CTDSP1: variants seen among roughly 807,000 people sequenced by gnomAD.
CTDSP1 encodes CTD small phosphatase 1.
In CTDSP1, 15 loss-of-function variants were observed where a neutral mutation model predicts 32.5. The ratio of observed to expected loss-of-function variants is 0.46; its 90% CI spans 0.31 to 0.71. The LOEUF is 0.71. Among genes scored for constraint, CTDSP1 ranks in the 30% least tolerant of loss-of-function variants. The probability of loss-of-function intolerance (pLI) is 0.05; values close to 1 mark genes in which losing one functional copy is unlikely to be tolerated. For synonymous variants in CTDSP1, 185 were observed against 145.4 expected, an observed-to-expected ratio of 1.27 and a Z score of -1.96; for missense variants, 294 against 351.1, an observed-to-expected ratio of 0.84 and a Z score of 1.30.
chr2:218,401,547 G>C lies in CTDSP1; in HGVS notation c.68-17G>C. On this transcript the variant is annotated splice_polypyrimidine_tract_variant and intron_variant, in intron 1 of 6. Coordinates refer to ENST00000273062, the MANE Select transcript of CTDSP1 (RefSeq NM_021198.3). ...CCAGTGTGCACCGAGCCTCCAACTT[G>C]TGCCTCCCTACTTCAGGTGACCAGA... 1.9e-6 allele frequency: 3 copies of C among 1,613,366 alleles called. No individual in the cohort carries two copies. The highest frequency in any genetic ancestry group is 1.7e-6 in the Non-Finnish European group (2 of 1,179,640).
At chr2:218,398,311 A>T, upstream of CTDSP1, 1 of 1,086,216 alleles carries the variant, frequency 9.2e-7, no homozygotes, top group South Asian at 1.3e-5. Flanking sequence ...GAAATGGGTT[A>T]AGAAGGAGGC....
chr2:218,400,009 C>T lies in CTDSP1; in HGVS notation c.-82C>T. On this transcript the variant is annotated 5_prime_UTR_variant, in exon 1 of 7. Transcript: ENST00000273062. ...TCCCTCCCACCCCTCCCCTCCCCCC[C>T]GCGCCCCGATTCCGGCCCCAGCCGG... 2.3e-6 allele frequency: 3 copies of T among 1,314,812 alleles called. No individual in the cohort carries two copies. Among genetic ancestry groups the T allele is most frequent in the Non-Finnish European group, 1.9e-6 (2 of 1,026,538 alleles). The allele number at this position is 1,314,812 out of a possible 1,614,324, so 81.4% of individuals were successfully genotyped here. A position where few individuals can be genotyped will look rare whatever the true frequency, so the allele number is the denominator to read the frequency against.
intron 2 of CTDSP1, 99 bp from the exon 3 acceptor site, chr2:218,402,012 C>A: frequency 2.4e-6 from 2 of 847,156 alleles, no homozygotes; most frequent in Non-Finnish European, 3.9e-6. Flanking sequence ...GTTCCTGGGG[C>A]CTGGGGTTCC....
upstream of CTDSP1, chr2:218,398,514 T>C: frequency 7.3e-7 from 1 of 1,363,884 alleles, no homozygotes; most frequent in Admixed American, 2.9e-5. Flanking sequence ...CCGCCCCTAC[T>C]CCCAGCCTCA....
chr2:218,398,329 AG>A, upstream of CTDSP1: 1 of 1,261,148 alleles, frequency 7.9e-7, no homozygotes, highest in Non-Finnish European at 1.1e-6. Context: ...GGCCGTTCTA[AG>A]GGGTAAATGA....
At chr2:218,399,741 C>G (rs546162686), upstream of CTDSP1, 34 of 1,014,992 alleles carry the variant, frequency 3.3e-5, no homozygotes, top group Non-Finnish European at 4.0e-5. Context: ...CCCGGCCCGG[C>G]CCGCCTCCCA....
At chr2:218,399,599 G>A, upstream of CTDSP1, 1 of 421,148 alleles carries the variant, frequency 2.4e-6, no homozygotes, top group Non-Finnish European at 3.2e-6. Context: ...CCCGGCGGGC[G>A]GGCCTTGGCC....
At position 218,399,926 on chromosome 2, in the gene CTDSP1, C is replaced by G; in HGVS notation, c.-165C>G. The stretch of plus-strand genomic sequence containing the variant: ...TAACAAAGTTTCCTCCGCGCCCCCT[C>G]CCTCCCCCTCCCCCCTAGAACCTGG... On this transcript the variant is annotated 5_prime_UTR_variant, in exon 1 of 7. Transcript: ENST00000273062. 1 of 1,013,652 alleles carries G rather than the reference C, an allele frequency of 9.9e-7. No individual in the cohort carries two copies. Among genetic ancestry groups the G allele is most frequent in the Non-Finnish European group, 1.2e-6 (1 of 837,682 alleles). 62.8% of individuals were successfully genotyped at this position (1,013,652 alleles called of 1,614,324 possible).
At position 218,401,671 on chromosome 2, in the gene CTDSP1, G is replaced by A. The variant is rs766831695; in HGVS notation, c.175G>A (p.Gly59Arg). The change falls in exon 2 of 7, where the codon GGG becomes AGG. Residue 59 changes from glycine (G) to arginine (R), a missense_variant. This residue lies in a region of CTDSP1 where 148 missense variants were observed against 113.3 expected (regional missense o/e 1.31). Coordinates refer to ENST00000273062, the MANE Select transcript of CTDSP1 (RefSeq NM_021198.3). ...TGGGGAGGCCCTGCCTGCTCACAGC[G>A]GGGCGCCCCTGCTTGTGGAGGAGAA... ...DDGEALPAHS[G>R]APLLVEENGA... 8.7e-6 allele frequency: 14 copies of A among 1,605,270 alleles called. No individual in the cohort carries two copies. Among genetic ancestry groups the A allele is most frequent in the Non-Finnish European group, 1.2e-5 (14 of 1,175,716 alleles).
chr2:218,400,475 A>T (rs1164451477), intron 1 of CTDSP1: 1 of 429,196 alleles, frequency 2.3e-6, no homozygotes, highest in Non-Finnish European at 4.4e-6. Flanking sequence ...ATTGGCGCCA[A>T]TGGGGCTGGG....
chr2:218,397,689 C>T (rs1696889252), upstream of CTDSP1, among the ~76,000 whole-genome samples: 1 of 152,180 alleles, frequency 6.6e-6, no homozygotes, highest in East Asian at 1.9e-4. Flanking sequence ...AAAGCGACCT[C>T]CACCTGTAGA....
At chr2:218,398,307 G>A (rs989567892), upstream of CTDSP1, 25 of 1,029,734 alleles carry the variant, frequency 2.4e-5, no homozygotes, top group Non-Finnish European at 3.3e-5. Flanking sequence ...CTGTGAAATG[G>A]GTTAAGAAGG....
intron 6 of CTDSP1, 72 bp from the exon 7 acceptor site, chr2:218,404,225 C>T (rs878957593): frequency 6.4e-7 from 1 of 1,570,282 alleles, no homozygotes; most frequent in African/African-American, 1.3e-5. Flanking sequence ...GTAGTGGCTA[C>T]ATAGGGCTGG....
At position 218,404,621 on chromosome 2, in the gene CTDSP1, GC is replaced by G; in HGVS notation, c.*200del. 2 of 609,196 alleles carry G rather than the reference GC, an allele frequency of 3.3e-6. No homozygotes were observed. The highest frequency in any genetic ancestry group is 2.8e-6 in the Non-Finnish European group (1 of 361,410). 37.7% of individuals were successfully genotyped at this position (609,196 alleles called of 1,614,324 possible). A position where few individuals can be genotyped will look rare whatever the true frequency, so the allele number is the denominator to read the frequency against. On this transcript the variant is annotated 3_prime_UTR_variant, in exon 7 of 7. Coordinates refer to ENST00000273062, the MANE Select transcript of CTDSP1 (RefSeq NM_021198.3). Reference sequence around the variant, plus strand: ...CTGCACTGAGGACCGTGAGCTCCAGGCCCCGTGTCAGTGCCTTCAAACCTCC... The same window carrying G: ...CTGCACTGAGGACCGTGAGCTCCAGGCCCGTGTCAGTGCCTTCAAACCTCC...
chr2:218,398,698 G>A (rs1696946550), upstream of CTDSP1: 2 of 326,932 alleles, frequency 6.1e-6, no homozygotes, highest in Non-Finnish European at 1.1e-5. Context: ...CCGCCACGGA[G>A]GCCCGCGGGA....
chr2:218,396,538 G>A (rs1696784300), upstream of CTDSP1: 1 of 152,416 alleles, frequency 6.6e-6, no homozygotes, highest in Non-Finnish European at 1.5e-5. Context: ...TTTATGAGAA[G>A]AATTTCCTCT....
chr2:218,400,445 T>C (rs3795982), intron 1 of CTDSP1: 46,929 of 506,176 alleles, frequency 0.093, 2,412 homozygotes, highest in East Asian at 0.18. Flanking sequence ...CATTGCGTGG[T>C]GCATGGGCGC....
rs1471931330 is a variant in CTDSP1, at chr2:218,405,404, A to C, written c.*979A>C. 6.6e-6 allele frequency: 1 copy of C among 152,592 alleles called. No homozygotes were observed. The highest frequency in any genetic ancestry group is 1.9e-4 in the East Asian group (1 of 5,340). 9.5% of individuals were successfully genotyped at this position (152,592 alleles called of 1,614,324 possible). On this transcript the variant is annotated 3_prime_UTR_variant, in exon 7 of 7. Transcript: ENST00000273062. The stretch of plus-strand genomic sequence containing the variant: ...TTTGCTCCGTTCATTCATTCAAAAA[A>C]ACATTTCTTGAGCACCTTCTGTGCC...
chr2:218,401,214 A>T, intron 1 of CTDSP1: 2 of 381,284 alleles, frequency 5.2e-6, no homozygotes, highest in Non-Finnish European at 1.0e-5. Flanking sequence ...AGGGGTGCTC[A>T]GGTAAGGTGG....
Sources: gnomAD v4.1 joint callset for allele counts (sites outside exome capture counted in the v4.1 genomes callset) on GRCh38, gnomAD v4.1.1 for gene constraint, gnomAD v4.1.1 regional missense constraint, MANE v1.5 for transcripts, NCBI Gene and HGNC (gene_info 2026-07-23, HGNC 2026-07-21) for gene names.